Variants in VWA8 observed in about 807,000 individuals in gnomAD.
The protein encoded by VWA8 is von Willebrand factor A domain containing 8, also known as von Willebrand factor A domain-containing protein 8.
Under a neutral mutation model 241.5 loss-of-function variants are expected in VWA8, and 221 were observed. The observed-to-expected ratio is 0.91, with a 90% CI of 0.82 to 1.02. The LOEUF is 1.02. Among genes scored for constraint, VWA8 ranks in the 50% least tolerant of loss-of-function variants. The pLI, the probability that VWA8 is intolerant of heterozygous loss-of-function variation, is 0.00. For missense variants in VWA8, 2,322 were observed against 2,328.7 expected (o/e 1.00, Z 0.06); for synonymous variants, 852 against 827.1 (o/e 1.03, Z -0.52).
chr13:41,917,646 T>C (rs1310433909), intron 2 of VWA8, among the ~76,000 whole-genome samples: 3 of 152,196 alleles, frequency 2.0e-5, no homozygotes, highest in African/African-American at 4.8e-5. Flanking sequence ...CTGTGTACCC[T>C]GGACACCAGG....
At position 41,865,999 on chromosome 13, in the gene VWA8, G is replaced by A. The variant is rs148797761; in HGVS notation, c.1250C>T (p.Ala417Val). 55 of 1,613,998 alleles carry A rather than the reference G, an allele frequency of 3.4e-5. No individual in the cohort carries two copies. The highest frequency in any genetic ancestry group is 4.4e-5 in the Non-Finnish European group (52 of 1,180,042). ...AGTRLLSQPC[A>V]SDRFIQTLSH... ...CAAAGTCTGTATGAAACGGTCTGACGCACAAGGTTGACTTAATAGCCTGGT... is the reference window on the plus strand; with the variant it reads ...CAAAGTCTGTATGAAACGGTCTGACACACAAGGTTGACTTAATAGCCTGGT... The change falls in exon 11 of 45, where the codon GCG (alanine) becomes GTG (valine). Residue 417 changes from alanine (A) to valine (V), a missense_variant. Transcript: ENST00000379310.
At chr13:41,676,911 G>C (rs1335624317) in intron 35 of VWA8, among the ~76,000 whole-genome samples, 1 of 152,058 alleles carries the variant, frequency 6.6e-6, no homozygotes, top group Non-Finnish European at 1.5e-5. Flanking sequence ...GGGATTACAG[G>C]TGTGAGCCAC....
At chr13:41,625,712 C>A (rs1182251846) in intron 37 of VWA8, among the ~76,000 whole-genome samples, 20 of 152,146 alleles carry the variant, frequency 1.3e-4, no homozygotes, top group African/African-American at 3.6e-4. Flanking sequence ...TACCATTTGA[C>A]CCAGCCATCC....
At chr13:41,685,014 T>G in intron 35 of VWA8, 33 bp downstream of exon 35, 1 of 1,586,724 alleles carries the variant, frequency 6.3e-7, no homozygotes, top group Non-Finnish European at 8.6e-7. Flanking sequence ...TAAACCACCT[T>G]TGTAAATTAG....
chr13:41,942,195 C>T (rs1877631527), intron 2 of VWA8, among the ~76,000 whole-genome samples: 1 of 152,016 alleles, frequency 6.6e-6, no homozygotes, highest in Non-Finnish European at 1.5e-5. Context: ...AAAAGAAAAC[C>T]TATTAAAATA....
intron 40 of VWA8, among the ~76,000 whole-genome samples, chr13:41,600,535 C>G (rs920296321): frequency 1.6e-4 from 25 of 152,102 alleles, no homozygotes; most frequent in Non-Finnish European, 4.4e-5. Context: ...TTGGCTTGGG[C>G]TGTCCCTCTA....
At chr13:41,718,142 T>G (rs2045358997) in intron 26 of VWA8, among the ~76,000 whole-genome samples, 2 of 151,976 alleles carry the variant, frequency 1.3e-5, no homozygotes, top group Admixed American at 1.3e-4. Context: ...AAAAAGAAAT[T>G]GTTTTAAAAT....
At chr13:41,755,316 T>C (rs1297559858) in intron 21 of VWA8, among the ~76,000 whole-genome samples, 1 of 152,016 alleles carries the variant, frequency 6.6e-6, no homozygotes, top group East Asian at 1.9e-4. Context: ...AACTGGGTAA[T>C]ATATATATTT....
intron 3 of VWA8, among the ~76,000 whole-genome samples, chr13:41,908,959 C>T (rs920641364): frequency 2.6e-4 from 39 of 152,218 alleles, no homozygotes; most frequent in East Asian, 1.9e-3. Flanking sequence ...TCTCCATATG[C>T]TACTGATAAA....
At chr13:41,620,094 G>C (rs567620087) in intron 37 of VWA8, among the ~76,000 whole-genome samples, 31 of 152,192 alleles carry the variant, frequency 2.0e-4, no homozygotes, top group African/African-American at 7.2e-4. Flanking sequence ...GAATCCGTCT[G>C]GTCCTGGACT....
At chr13:41,632,582 GGCT>G (rs1199854520) in intron 37 of VWA8, among the ~76,000 whole-genome samples, 1 of 152,116 alleles carries the variant, frequency 6.6e-6, no homozygotes, top group Non-Finnish European at 1.5e-5. Context: ...ATCAAATCTT[GGCT>G]GCTGCTTTTT....
At chr13:41,735,776 T>C (rs1221284351) in intron 21 of VWA8, among the ~76,000 whole-genome samples, 3 of 152,130 alleles carry the variant, frequency 2.0e-5, no homozygotes, top group Non-Finnish European at 2.9e-5. Flanking sequence ...TTCCAAGATA[T>C]ACTATAAAAT....
intron 12 of VWA8, among the ~76,000 whole-genome samples, chr13:41,858,995 C>T (rs1156355166): frequency 6.6e-6 from 1 of 151,300 alleles, no homozygotes; most frequent in Admixed American, 6.6e-5. Context: ...GAGGATGACT[C>T]AAGAACATAC....
intron 1 of VWA8, among the ~76,000 whole-genome samples, chr13:41,960,448 G>C (rs1267543266): frequency 1.3e-5 from 2 of 152,220 alleles, no homozygotes; most frequent in African/African-American, 2.4e-5. Context: ...ACATGACACA[G>C]ACCGGCTTCC....
rs2044589928 is a variant in VWA8, at chr13:41,611,694, G to A, written c.4759C>T (p.Pro1587Ser). The A allele has an allele frequency of 1.9e-6, 3 of 1,614,040 alleles. No individual in the cohort carries two copies. In the East Asian group the frequency reaches 6.7e-5, roughly 36 times the overall value. ...GTATGGCCTGCATCCAGCCGGTAAG[G>A]GCCTCCTTTGCCACCCAGGCCTGCC... Reference protein sequence around the residue: ...DTAGLGGKGGPYRLDAGHTVY... With the variant: ...DTAGLGGKGGSYRLDAGHTVY... The change falls in exon 39 of 45, where the codon CCT becomes TCT. Residue 1587 changes from proline (P) to serine (S), a missense_variant. By Grantham distance (74) the Pro-to-Ser change is moderately conservative (BLOSUM62 -1). Transcript: ENST00000379310.
At chr13:41,805,677 G>A (rs183289614) in intron 17 of VWA8, among the ~76,000 whole-genome samples, 16 of 152,220 alleles carry the variant, frequency 1.1e-4, no homozygotes, top group African/African-American at 3.9e-4. Flanking sequence ...AGCTGGTCAT[G>A]GTGGTGCACG....
At chr13:41,568,478 T>C in intron 44 of VWA8, 173 bp from the exon 45 acceptor site, 1 of 491,390 alleles carries the variant, frequency 2.0e-6, no homozygotes, top group South Asian at 3.9e-5. Context: ...ATGAAAGGCT[T>C]GGAAGAGCAA....
At chr13:41,859,716 A>T (rs1872922003) in intron 12 of VWA8, among the ~76,000 whole-genome samples, 1 of 152,232 alleles carries the variant, frequency 6.6e-6, no homozygotes, top group African/African-American at 2.4e-5. Context: ...ATGATTTATG[A>T]CTTTTATAGC....
At chr13:41,755,778 T>A (rs755085566) in intron 21 of VWA8, among the ~76,000 whole-genome samples, 13 of 151,782 alleles carry the variant, frequency 8.6e-5, no homozygotes, top group Non-Finnish European at 1.5e-4. Flanking sequence ...AAAGATATTA[T>A]TATATAAATG....
Sources: gnomAD v4.1 joint callset for allele counts (sites outside exome capture counted in the v4.1 genomes callset) on GRCh38, gnomAD v4.1.1 for gene constraint, MANE v1.5 for transcripts, NCBI Gene and HGNC (gene_info 2026-07-23, HGNC 2026-07-21) for gene names.